DNMT3B: variants seen among roughly 807,000 people sequenced by gnomAD.
DNMT3B encodes the protein DNA methyltransferase 3 beta.
A neutral mutation model predicts 120.2 loss-of-function variants in DNMT3B; 37 were observed. The observed-to-expected ratio is 0.31, with a 90% confidence interval of 0.24 to 0.40. The LOEUF is 0.40. Ranked by LOEUF, DNMT3B falls within the 10% of genes least tolerant of loss-of-function variation. DNMT3B has a pLI of 1.00. For missense variants in DNMT3B, 878 were observed against 1,137.3 expected, an observed-to-expected ratio of 0.77 and a Z score of 3.28; for synonymous variants, 412 against 442.8, an observed-to-expected ratio of 0.93 and a Z score of 0.87.
At chr20:32,795,266 AG>A (rs1161338931) in intron 10 of DNMT3B, 142 bp from the exon 11 acceptor site, 6 of 1,284,598 alleles carry the variant, frequency 4.7e-6, no homozygotes, top group Non-Finnish European at 5.6e-6. Context: ...TTGCCCATCA[AG>A]GGGCCATATA....
chr20:32,783,663 T>G (rs916021634), intron 3 of DNMT3B, among the ~76,000 whole-genome samples: 15 of 152,128 alleles, frequency 9.9e-5, no homozygotes, highest in Non-Finnish European at 2.1e-4. Context: ...CACTGCTGTT[T>G]TGTTTCTGGT....
At chr20:32,795,268 G>T in intron 10 of DNMT3B, 141 bp from the exon 11 acceptor site, 1 of 1,308,508 alleles carries the variant, frequency 7.6e-7, no homozygotes, top group Non-Finnish European at 1.1e-6. Context: ...GCCCATCAAG[G>T]GGCCATATAC....
chr20:32,764,910 G>C (rs1433498864), intron 1 of DNMT3B, among the ~76,000 whole-genome samples: 2 of 152,188 alleles, frequency 1.3e-5, no homozygotes, highest in African/African-American at 4.8e-5. Context: ...CCAGCCACGT[G>C]GGGCCTGTGA....
intron 16 of DNMT3B, 26 bp downstream of exon 16, chr20:32,799,354 A>G (rs2146036480): frequency 6.2e-7 from 1 of 1,605,572 alleles, no homozygotes; most frequent in South Asian, 1.1e-5. Context: ...ACCTGGAGAC[A>G]CTGCTATCGT....
chr20:32,798,996 C>A (rs1405348493), intron 15 of DNMT3B, among the ~76,000 whole-genome samples: 2 of 152,218 alleles, frequency 1.3e-5, no homozygotes, highest in African/African-American at 2.4e-5. Context: ...GGGGTGATAC[C>A]TTTTCATGTG....
intron 19 of DNMT3B, 132 bp downstream of exon 19, chr20:32,801,558 G>T (rs968826721): frequency 2.5e-5 from 31 of 1,227,742 alleles, no homozygotes; most frequent in Admixed American, 2.2e-4. Flanking sequence ...ATCCAATAGT[G>T]AGGGATTCAG....
At chr20:32,786,676 G>C in intron 5 of DNMT3B, 49 bp downstream of exon 5, 1 of 1,611,912 alleles carries the variant, frequency 6.2e-7, no homozygotes, top group Non-Finnish European at 8.5e-7. Context: ...CTAACTGGGA[G>C]ATATGCCTCA....
Position 32,800,160 on chromosome 20 carries a change from A to G in DNMT3B, c.1767A>G (p.Leu589=), listed in dbSNP as rs777676882. The G allele has an allele frequency of 1.2e-6, 2 of 1,614,240 alleles. No homozygotes were observed. The highest frequency in any genetic ancestry group is 8.5e-7 in the Non-Finnish European group (1 of 1,180,046). ...SLFDGIATGY[L]VLKELGIKVG... ...TCTCTCTGGCCCCCACAGGCTACCT[A>G]GTCCTCAAAGAGTTGGGCATAAAGG... Residue 589 remains leucine, a synonymous_variant, in exon 17 of 23, where the codon CTA becomes CTG. Coordinates refer to ENST00000328111, the MANE Select transcript of DNMT3B (RefSeq NM_006892.4).
Position 32,806,294 on chromosome 20 carries a change from A to G in DNMT3B, c.2387A>G (p.Lys796Arg). 2 of 1,614,212 alleles carry G rather than the reference A, an allele frequency of 1.2e-6. No homozygotes were observed. The highest frequency in any genetic ancestry group is 1.3e-5 in the African/African-American group (1 of 75,058). The change falls in exon 22 of 23, where the codon AAA becomes AGA. Residue 796 changes from lysine (K) to arginine (R), a missense_variant. Transcript: ENST00000328111. ...NQLFPVVMNG[K>R]EDVLWCTELE... ...CTTTTCCCTGTTGTCATGAATGGCA[A>G]AGAAGATGTTTTGTGGTGCACTGAG...
chr20:32,767,035 C>G (rs1040784137), intron 1 of DNMT3B, among the ~76,000 whole-genome samples: 1 of 152,012 alleles, frequency 6.6e-6, no homozygotes, highest in Non-Finnish European at 1.5e-5. Flanking sequence ...GGACTACGGG[C>G]GTGGTGGTGC....
rs375939126 is a variant in DNMT3B at position 32,787,274 on chromosome 20, G to A, written c.477G>A (p.Pro159=). 2.1e-5 allele frequency: 34 copies of A among 1,614,092 alleles called. No individual in the cohort carries two copies. The highest frequency in any genetic ancestry group is 1.6e-4 in the Middle Eastern group (1 of 6,084). ...CAGCATCGGCAGGAACGCCATGGCC[G>A]TCCCCTCCCAGCTCTTACCTTACCA... The part of the protein sequence containing the change: ...RATASAGTPW[P]SPPSSYLTID... The change falls in exon 6 of 23, where the codon CCG becomes CCA. Residue 159 remains proline (P), a synonymous_variant. Coordinates refer to ENST00000328111, the MANE Select transcript of DNMT3B (RefSeq NM_006892.4).
At chr20:32,785,041 C>CT (rs11389019) in intron 4 of DNMT3B, among the ~76,000 whole-genome samples, 182 bp downstream of exon 4, 80,244 of 148,334 alleles carry the variant, frequency 0.54, 23,759 homozygotes, top group East Asian at 0.92. Flanking sequence ...TTTCTTTTTT[C>CT]TTTTTTTTTT....
At chr20:32,793,202 T>C (rs1980196333) in intron 9 of DNMT3B, among the ~76,000 whole-genome samples, 1 of 152,186 alleles carries the variant, frequency 6.6e-6, no homozygotes, top group Non-Finnish European at 1.5e-5. Context: ...TTACAATCCA[T>C]AGATTTAAAG....
chr20:32,785,090 G>A (rs1016035537), intron 4 of DNMT3B, among the ~76,000 whole-genome samples: 1 of 150,566 alleles, frequency 6.6e-6, no homozygotes, highest in Non-Finnish European at 1.5e-5. Flanking sequence ...AGGCTGGCGT[G>A]CAATGGCGTG....
At chr20:32,807,739 T>TCTTTTCACTCCGGTACCCC in intron 22 of DNMT3B, 23 bp from the exon 23 acceptor site, 1 of 1,613,740 alleles carries the variant, frequency 6.2e-7, no homozygotes, top group Non-Finnish European at 8.5e-7. Context: ...TGACTTGCTG[T>TCTTTTCACTCCGGTACCCC]CTTTTCACTC....
intron 8 of DNMT3B, 124 bp from the exon 9 acceptor site, chr20:32,792,502 T>C: frequency 1.3e-6 from 2 of 1,528,382 alleles, no homozygotes; most frequent in Non-Finnish European, 9.0e-7. Context: ...CCAGGACAGC[T>C]GTCTGGCTAT....
chr20:32,800,551 C>T (rs2235759), intron 17 of DNMT3B, among the ~76,000 whole-genome samples: 12,815 of 152,130 alleles, frequency 0.084, 674 homozygotes, highest in African/African-American at 0.15. Flanking sequence ...CTCTGCCTCC[C>T]GGGTTTAAGC....
At chr20:32,768,028 G>A (rs1987490864) in intron 1 of DNMT3B, among the ~76,000 whole-genome samples, 2 of 151,962 alleles carry the variant, frequency 1.3e-5, no homozygotes, top group South Asian at 4.1e-4. Context: ...GATGGGCCCT[G>A]GCAGCATGGC....
chr20:32,792,386 G>C (rs1009220230), intron 8 of DNMT3B, among the ~76,000 whole-genome samples: 1 of 152,120 alleles, frequency 6.6e-6, no homozygotes, highest in East Asian at 1.9e-4. Flanking sequence ...CATTCCCTAG[G>C]GGGAAGAGAT....
Sources: gnomAD v4.1 joint callset for allele counts (sites outside exome capture counted in the v4.1 genomes callset) on GRCh38, gnomAD v4.1.1 for gene constraint, MANE v1.5 for transcripts, NCBI Gene and HGNC (gene_info 2026-07-23, HGNC 2026-07-21) for gene names.